The following MED6 variants were observed in gnomAD, a reference collection of about 807,000 sequenced individuals.
MED6 encodes mediator of RNA polymerase II transcription subunit 6.
MED6 carries 33 observed loss-of-function variants against 37.5 expected under a neutral mutation model. The ratio of observed to expected loss-of-function variants is 0.88; its 90% CI spans 0.67 to 1.18. The LOEUF (loss-of-function observed/expected upper bound fraction) is 1.18. Among genes scored for constraint, MED6 ranks in the 50% most tolerant of loss-of-function variants. MED6 has a pLI of 0.00. For missense variants in MED6, 235 were observed against 290.6 expected, an observed-to-expected ratio of 0.81 and a Z score of 1.39; for synonymous variants, 94 against 93.6, an observed-to-expected ratio of 1.00 and a Z score of -0.02.
chr14:70,590,579 C>T (rs968732468), intron 6 of MED6, among the ~76,000 whole-genome samples: 6 of 152,280 alleles, frequency 3.9e-5, no homozygotes, highest in South Asian at 4.1e-4. Context: ...CTAACAAAAA[C>T]AGGGTATATG....
chr14:70,583,540 T>C lies in MED6; in HGVS notation c.*1273A>G, dbSNP rs1420865739. 1 of 152,198 alleles carries C rather than the reference T, an allele frequency of 6.6e-6. No individual in the cohort carries two copies. The highest frequency in any genetic ancestry group is 1.5e-5 in the Non-Finnish European group (1 of 68,046). The allele number at this position is 152,198 out of a possible 1,614,324, so 9.4% of individuals were successfully genotyped here. On this transcript the variant is annotated 3_prime_UTR_variant, in exon 8 of 8. Coordinates refer to ENST00000256379, the MANE Select transcript of MED6 (RefSeq NM_005466.4). ...ATAAAAATGCAGAGACTCTAGTGAT[T>C]CCACTTCTGGAACTCTATCCTAAGG...
In MED6 at chr14:70,583,849, G is replaced by A; in HGVS notation, c.*964C>T. On this transcript the variant is annotated 3_prime_UTR_variant, in exon 8 of 8. Coordinates refer to ENST00000256379, the MANE Select transcript of MED6 (RefSeq NM_005466.4). ...AGCACACTCAGCCCCCTTGCCATGA[G>A]ATACCCTGTGCTGCCTAGGGACTTT... The A allele has an allele frequency of 2.7e-6, 1 of 365,742 alleles. No homozygotes were observed. The highest frequency in any genetic ancestry group is 4.5e-5 in the Admixed American group (1 of 21,980). The allele number at this position is 365,742 out of a possible 1,614,324, so 22.7% of individuals were successfully genotyped here.
intron 7 of MED6, 77 bp downstream of exon 7, chr14:70,585,679 A>T: frequency 7.7e-7 from 1 of 1,296,466 alleles, no homozygotes; most frequent in South Asian, 1.6e-5. Flanking sequence ...AGCTCATTTC[A>T]CATGCTATAC....
At chr14:70,586,684 T>A (rs545587134) in intron 6 of MED6, among the ~76,000 whole-genome samples, 1 of 152,344 alleles carries the variant, frequency 6.6e-6, no homozygotes, top group East Asian at 1.9e-4. Flanking sequence ...TAGGCCTTCT[T>A]ACCTATTCCC....
chr14:70,584,295 T>C lies in MED6; in HGVS notation c.*518A>G. The C allele has an allele frequency of 1.7e-6, 1 of 584,018 alleles. No individual in the cohort carries two copies. The highest frequency in any genetic ancestry group is 1.9e-5 in the African/African-American group (1 of 53,554). The allele number at this position is 584,018 out of a possible 1,614,324, so 36.2% of individuals were successfully genotyped here. On this transcript the variant is annotated 3_prime_UTR_variant, in exon 8 of 8. Coordinates refer to ENST00000256379, the MANE Select transcript of MED6 (RefSeq NM_005466.4). ...ATATCTACCAGTAAACATGTGAGTGTGTAGGTTGCTCAAGTCCGGGAGAGG... is the reference window on the plus strand; with the variant it reads ...ATATCTACCAGTAAACATGTGAGTGCGTAGGTTGCTCAAGTCCGGGAGAGG...
chr14:70,591,357 C>G lies in MED6; in HGVS notation c.491G>C (p.Arg164Thr). 6.2e-7 allele frequency: 1 copy of G among 1,606,400 alleles called. No individual in the cohort carries two copies. The highest frequency in any genetic ancestry group is 8.5e-7 in the Non-Finnish European group (1 of 1,178,082). ...AAAAATAGAGCTTGGTTCTTCTTTC[C>G]TTTTGGCTTTAGGTCTGACTTTATC... ...EQDKVRPKAK[R>T]KEEPSSIFQR... The change falls in exon 6 of 8, where the codon AGG becomes ACG. Residue 164 changes from arginine (R) to threonine (T), a missense_variant. Transcript: ENST00000256379.
chr14:70,600,608 C>G lies in MED6; in HGVS notation c.22+8G>C, dbSNP rs751436271. 9.3e-6 allele frequency: 15 copies of G among 1,613,216 alleles called. No homozygotes were observed. Among genetic ancestry groups the G allele is most frequent in the Non-Finnish European group, 1.3e-5 (15 of 1,179,886 alleles). On this transcript the variant is annotated splice_region_variant and intron_variant, in intron 1 of 7. Coordinates refer to ENST00000256379, the MANE Select transcript of MED6 (RefSeq NM_005466.4). The stretch of plus-strand genomic sequence containing the variant: ...AATCAAGAGACAAAATATAGCAATA[C>G]AGTATACCTCGGATATCCACCGCCG...
At chr14:70,587,745 G>A (rs1384782319) in intron 6 of MED6, among the ~76,000 whole-genome samples, 1 of 152,176 alleles carries the variant, frequency 6.6e-6, no homozygotes, top group Admixed American at 6.5e-5. Flanking sequence ...GGTGGCTTTG[G>A]TTTAGATAAT....
Position 70,584,431 on chromosome 14 carries a change from A to G in MED6, c.*382T>C. The G allele has an allele frequency of 2.9e-6, 1 of 349,352 alleles. No homozygotes were observed. The highest frequency in any genetic ancestry group is 5.2e-6 in the Non-Finnish European group (1 of 193,292). 21.6% of individuals were successfully genotyped at this position (349,352 alleles called of 1,614,324 possible). A position where few individuals can be genotyped will look rare whatever the true frequency, so the allele number is the denominator to read the frequency against. ...GCTCTGTCGCCCAAGCTGGAGTGCA[A>G]CAGCATGATAATCAGCTCAGGGCAA... On this transcript the variant is annotated 3_prime_UTR_variant, in exon 8 of 8. Transcript: ENST00000256379.
chr14:70,590,949 G>A (rs1164345200), intron 6 of MED6, among the ~76,000 whole-genome samples: 2 of 152,210 alleles, frequency 1.3e-5, no homozygotes, highest in African/African-American at 4.8e-5. Context: ...AGAGTAAAAA[G>A]AGCATGAGTT....
chr14:70,598,650 G>A (rs112573179), intron 1 of MED6, among the ~76,000 whole-genome samples: 1 of 152,058 alleles, frequency 6.6e-6, no homozygotes, highest in Non-Finnish European at 1.5e-5. Flanking sequence ...ATATACAGAG[G>A]TGTAAAAATA....
chr14:70,591,322 G>A lies in MED6; in HGVS notation c.526C>T (p.Arg176Cys), dbSNP rs1318353648. Reference sequence around the variant, plus strand: ...AGGTCTAAAAGTAAAGCATCCACACGTTGTCTCTGAAAAATAGAGCTTGGT... The same window carrying A: ...AGGTCTAAAAGTAAAGCATCCACACATTGTCTCTGAAAAATAGAGCTTGGT... ...EEPSSIFQRQ[R>C]VDALLLDLRQ... Residue 176 changes from arginine to cysteine, a missense_variant, in exon 6 of 8, where the codon CGT (arginine) becomes TGT (cysteine). Physicochemically the swap from Arg to Cys is radical, Grantham distance 180. Coordinates refer to ENST00000256379, the MANE Select transcript of MED6 (RefSeq NM_005466.4). 3.1e-6 allele frequency: 5 copies of A among 1,609,894 alleles called. No homozygotes were observed. Among genetic ancestry groups the A allele is most frequent in the East Asian group, 2.2e-5 (1 of 44,680 alleles).
chr14:70,593,040 C>T, intron 4 of MED6, 52 bp from the exon 5 acceptor site: 1 of 1,606,262 alleles, frequency 6.2e-7, no homozygotes, highest in Non-Finnish European at 8.5e-7. Flanking sequence ...ACCAAACTTT[C>T]CAAAGTAAAT....
At chr14:70,589,494 T>C (rs1884810287) in intron 6 of MED6, among the ~76,000 whole-genome samples, 2 of 152,328 alleles carry the variant, frequency 1.3e-5, no homozygotes, top group South Asian at 4.1e-4. Flanking sequence ...GAAGATGAGA[T>C]AGAGGAGTTT....
At chr14:70,598,340 T>A (rs1189779532) in intron 1 of MED6, among the ~76,000 whole-genome samples, 1 of 151,960 alleles carries the variant, frequency 6.6e-6, no homozygotes, top group Non-Finnish European at 1.5e-5. Context: ...CCGGGCATGG[T>A]GGTGGACACC....
chr14:70,596,743 C>T, intron 2 of MED6, 41 bp from the exon 3 acceptor site: 1 of 1,380,732 alleles, frequency 7.2e-7, no homozygotes, highest in Non-Finnish European at 1.0e-6. Flanking sequence ...TATAAACGCC[C>T]TACAAATAAT....
intron 3 of MED6, chr14:70,594,884 A>G: frequency 4.6e-6 from 3 of 649,572 alleles, no homozygotes; most frequent in Admixed American, 3.7e-5. Context: ...CAGAGGCTAG[A>G]GAGCAAAATC....
Position 70,596,729 on chromosome 14 carries a change from G to T in MED6, c.183-27C>A, listed in dbSNP as rs760113886. The T allele has an allele frequency of 8.6e-6, 13 of 1,509,910 alleles. No individual in the cohort carries two copies. In the Admixed American group the frequency reaches 2.1e-4, roughly 24 times the overall value. 93.5% of individuals were successfully genotyped at this position (1,509,910 alleles called of 1,614,324 possible). ...TGAAAACAGAACACAGACATCCAAAGATCTATAAACGCCCTACAAATAATT... is the reference window on the plus strand; with the variant it reads ...TGAAAACAGAACACAGACATCCAAATATCTATAAACGCCCTACAAATAATT... On this transcript the variant is annotated intron_variant, in intron 2 of 7. Coordinates refer to ENST00000256379, the MANE Select transcript of MED6 (RefSeq NM_005466.4).
At chr14:70,596,494 T>G (rs1207939684) in intron 3 of MED6, 117 bp downstream of exon 3, 5 of 683,780 alleles carry the variant, frequency 7.3e-6, no homozygotes, top group Non-Finnish European at 1.3e-5. Context: ...ACTGAACATG[T>G]ATGTGGTCTT....
Sources: gnomAD v4.1 joint callset for allele counts (sites outside exome capture counted in the v4.1 genomes callset) on GRCh38, gnomAD v4.1.1 for gene constraint, MANE v1.5 for transcripts, NCBI Gene and HGNC (gene_info 2026-07-23, HGNC 2026-07-21) for gene names.